SHANK2: variants seen among roughly 807,000 people sequenced by gnomAD.
The protein encoded by SHANK2 is SH3 and multiple ankyrin repeat domains protein 2.
Under a neutral mutation model 133.7 loss-of-function variants are expected in SHANK2, and 43 were observed. That is an observed-to-expected ratio of 0.32 (90% CI 0.25 to 0.41). The LOEUF (loss-of-function observed/expected upper bound fraction) is 0.41. Ranked by LOEUF, SHANK2 falls within the 10% of genes least tolerant of loss-of-function variation. The probability of loss-of-function intolerance (pLI) is 1.00; values close to 1 mark genes in which losing one functional copy is unlikely to be tolerated. For synonymous variants in SHANK2, 1,017 were observed against 952.8 expected, an observed-to-expected ratio of 1.07 and a Z score of -1.24; for missense variants, 1,994 against 2,235.8, an observed-to-expected ratio of 0.89 and a Z score of 2.18.
intron 19 of SHANK2, 103 bp downstream of exon 19, chr11:70,502,103 G>T (rs149801386): frequency 9.5e-6 from 13 of 1,362,360 alleles, no homozygotes; most frequent in East Asian, 5.0e-5. Context: ...CAGGAGGGGG[G>T]TAGCGAGCAA....
intron 14 of SHANK2, among the ~76,000 whole-genome samples, chr11:70,746,920 T>C (rs1347924675): frequency 6.6e-6 from 1 of 150,670 alleles, no homozygotes; most frequent in African/African-American, 2.5e-5. Context: ...TCTGCTTCCC[T>C]CCACCGCTGT....
chr11:70,621,504 G>C (rs782147290), intron 17 of SHANK2, among the ~76,000 whole-genome samples: 2 of 152,230 alleles, frequency 1.3e-5, no homozygotes, highest in Non-Finnish European at 2.9e-5. Flanking sequence ...TGCCCCTACA[G>C]CACCCTTGGC....
chr11:70,558,357 C>T (rs1189810586), intron 17 of SHANK2, among the ~76,000 whole-genome samples: 6 of 152,244 alleles, frequency 3.9e-5, no homozygotes, highest in Non-Finnish European at 5.9e-5. Context: ...CTTCCCCCTG[C>T]GTCAGCATCG....
At chr11:70,801,663 C>T (rs1461251140) in intron 13 of SHANK2, among the ~76,000 whole-genome samples, 4 of 152,192 alleles carry the variant, frequency 2.6e-5, no homozygotes, top group African/African-American at 9.6e-5. Flanking sequence ...CCCAGCAGTA[C>T]AAGAGCGAGC....
intron 11 of SHANK2, among the ~76,000 whole-genome samples, chr11:70,848,283 A>G (rs1949027445): frequency 6.6e-6 from 1 of 152,214 alleles, no homozygotes; most frequent in Non-Finnish European, 1.5e-5. Flanking sequence ...TGTGCCTTAC[A>G]GCATGGGCTA....
At chr11:70,588,797 AAC>A (rs1442551050) in intron 17 of SHANK2, among the ~76,000 whole-genome samples, 1 of 152,216 alleles carries the variant, frequency 6.6e-6, no homozygotes, top group African/African-American at 2.4e-5. Context: ...TACACTAAAC[AAC>A]AGATTTTCAA....
At chr11:71,197,329 T>G (rs1245413463) in intron 2 of SHANK2, among the ~76,000 whole-genome samples, 1 of 152,212 alleles carries the variant, frequency 6.6e-6, no homozygotes, top group African/African-American at 2.4e-5. Context: ...ATGCTACCAC[T>G]CCAAGCATGT....
intron 2 of SHANK2, among the ~76,000 whole-genome samples, chr11:71,198,795 G>A (rs550586709): frequency 1.3e-5 from 2 of 152,330 alleles, no homozygotes; most frequent in Admixed American, 6.5e-5. Context: ...GTGAGGTTGT[G>A]AGGCGGCGGG....
chr11:70,842,371 G>C (rs1555061992), intron 11 of SHANK2, among the ~76,000 whole-genome samples: 1 of 152,192 alleles, frequency 6.6e-6, no homozygotes, highest in South Asian at 2.1e-4. Flanking sequence ...CCCCGAGGTG[G>C]TCAAGCTATG....
At chr11:70,492,182 C>T (rs1469077814) in intron 22 of SHANK2, among the ~76,000 whole-genome samples, 153 bp downstream of exon 22, 2 of 152,226 alleles carry the variant, frequency 1.3e-5, no homozygotes, top group Admixed American at 1.3e-4. Flanking sequence ...ACAGACCCGG[C>T]TCTTTGTCCT....
intron 11 of SHANK2, among the ~76,000 whole-genome samples, chr11:70,872,040 G>T (rs1285349039): frequency 6.6e-6 from 1 of 152,188 alleles, no homozygotes; most frequent in Non-Finnish European, 1.5e-5. Flanking sequence ...TGTGCACGCT[G>T]CCTGCTTCTG....
intron 11 of SHANK2, among the ~76,000 whole-genome samples, chr11:70,880,069 C>T (rs1294395843): frequency 6.6e-6 from 1 of 152,204 alleles, no homozygotes; most frequent in Non-Finnish European, 1.5e-5. Context: ...CGGTGCTGTG[C>T]CTGCCAGGGC....
chr11:70,654,169 T>C (rs2061375368), intron 17 of SHANK2: 1 of 152,200 alleles, frequency 6.6e-6, no homozygotes, highest in Non-Finnish European at 1.5e-5. Flanking sequence ...AAAATGAGAT[T>C]GGCCACTTCA....
At chr11:70,931,809 A>G (rs1555082536) in intron 10 of SHANK2, among the ~76,000 whole-genome samples, 1 of 152,222 alleles carries the variant, frequency 6.6e-6, no homozygotes, top group Admixed American at 6.5e-5. Flanking sequence ...TGAAGGGCCA[A>G]TCTCTTCTGA....
chr11:70,915,680 G>A (rs1376075259), intron 10 of SHANK2, among the ~76,000 whole-genome samples: 3 of 152,168 alleles, frequency 2.0e-5, no homozygotes, highest in Admixed American at 6.5e-5. Flanking sequence ...AGAATTCACA[G>A]GAGCCCACCC....
At chr11:70,524,655 T>C (rs2059374111) in intron 17 of SHANK2, among the ~76,000 whole-genome samples, 1 of 152,186 alleles carries the variant, frequency 6.6e-6, no homozygotes, top group Non-Finnish European at 1.5e-5. Flanking sequence ...AACATCATGC[T>C]GTCCACGATA....
intron 6 of SHANK2, among the ~76,000 whole-genome samples, chr11:71,097,939 C>T (rs56188890): frequency 0.26 from 39,221 of 150,008 alleles, 5,485 homozygotes; most frequent in South Asian, 0.33. Context: ...TGTTTGTGTG[C>T]ACGCCTGTGT....
upstream of SHANK2, chr11:71,252,600 G>A (rs1429441932): frequency 1.3e-5 from 2 of 151,174 alleles, no homozygotes; most frequent in African/African-American, 2.4e-5. This position sits in a 1 kb window ranked among gnomAD's most constrained non-coding sequence, Gnocchi z 6.3. Flanking sequence ...CCCGGCGCGG[G>A]AGCTGGCTCC....
intron 17 of SHANK2, among the ~76,000 whole-genome samples, chr11:70,587,111 G>A (rs1554986949): frequency 6.6e-6 from 1 of 152,212 alleles, no homozygotes; most frequent in Non-Finnish European, 1.5e-5. Flanking sequence ...CTGAGGGCCT[G>A]TGTTGCTCTC....
Sources: gnomAD v4.1 joint callset for allele counts (sites outside exome capture counted in the v4.1 genomes callset) on GRCh38, gnomAD v4.1.1 for gene constraint, Gnocchi (gnomAD v3.1) non-coding constraint, MANE v1.5 for transcripts, NCBI Gene and HGNC (gene_info 2026-07-23, HGNC 2026-07-21) for gene names.